Variants in RGS3 observed in about 807,000 individuals in gnomAD.
RGS3 encodes regulator of G-protein signalling 3.
Under a neutral mutation model 132.6 loss-of-function variants are expected in RGS3, and 80 were observed. The ratio of observed to expected loss-of-function variants is 0.60; its 90% CI spans 0.50 to 0.73. The LOEUF is 0.73. RGS3 is among the 30% of genes least tolerant of loss of function. The pLI, the probability that RGS3 is intolerant of heterozygous loss-of-function variation, is 0.00. For missense variants in RGS3, 1,382 were observed against 1,530.8 expected (o/e 0.90, Z 1.62); for synonymous variants, 598 against 620.6 (o/e 0.96, Z 0.54).
intron 19 of RGS3, among the ~76,000 whole-genome samples, chr9:113,540,891 C>A (rs1832874919): frequency 6.6e-6 from 1 of 152,222 alleles, no homozygotes; most frequent in African/African-American, 2.4e-5. Context: ...GAGGATTGAA[C>A]TCAGGATGTG....
At chr9:113,543,670 C>T (rs1174813281) in intron 19 of RGS3, among the ~76,000 whole-genome samples, 1 of 152,236 alleles carries the variant, frequency 6.6e-6, no homozygotes, top group Non-Finnish European at 1.5e-5. Context: ...CTCATCTCTC[C>T]TGGACCTGGT....
Position 113,594,917 on chromosome 9 carries a change from A to C in RGS3, c.3183-2A>C. On this transcript the variant is annotated splice_acceptor_variant, in intron 22 of 24. Transcript: ENST00000350696. LOFTEE classifies it high-confidence loss of function. ...CACTGTGTTTCCTCCCTCACCCCTC[A>C]GGCCCACCTCAGAGGAAGCCCTCAA... 1 of 1,613,832 alleles carries C rather than the reference A, an allele frequency of 6.2e-7. No homozygotes were observed. The highest frequency in any genetic ancestry group is 8.5e-7 in the Non-Finnish European group (1 of 1,179,808).
exon 22 of RGS3, chr9:113,594,504 A>G: frequency 6.2e-7 from 1 of 1,613,700 alleles, no homozygotes; most frequent in Non-Finnish European, 8.5e-7. Flanking sequence ...CCCGCGGGCA[A>G]GGCAGACAAA....
chr9:113,545,019 C>G (rs535216837), intron 19 of RGS3, among the ~76,000 whole-genome samples: 43 of 152,306 alleles, frequency 2.8e-4, no homozygotes, highest in African/African-American at 8.7e-4. Flanking sequence ...GAGGGTGGCA[C>G]AGGCTGAAAA....
At chr9:113,569,587 TTCC>T (rs879566156) in intron 19 of RGS3, among the ~76,000 whole-genome samples, 3,541 of 126,674 alleles carry the variant, frequency 0.028, 79 homozygotes, top group Non-Finnish European at 0.031. Context: ...CTTTCCTTCC[TTCC>T]TTCCTTCCTT....
At chr9:113,449,074 C>T (rs1829182703) in intron 1 of RGS3, among the ~76,000 whole-genome samples, 1 of 152,162 alleles carries the variant, frequency 6.6e-6, no homozygotes, top group Admixed American at 6.5e-5. Context: ...AATGGGAAGA[C>T]ATTGATGGCT....
intron 13 of RGS3, 147 bp from the exon 12 acceptor site, chr9:113,508,394 C>G (rs375502872): frequency 1.2e-5 from 9 of 744,462 alleles, no homozygotes; most frequent in South Asian, 1.1e-4. Flanking sequence ...AGCCTCCTCC[C>G]TCAGCTGGTT....
chr9:113,557,352 G>A (rs1397686803), intron 19 of RGS3, among the ~76,000 whole-genome samples: 2 of 152,238 alleles, frequency 1.3e-5, no homozygotes, highest in East Asian at 1.9e-4. Flanking sequence ...CATGGCCTTG[G>A]AGTTGGACTC....
At chr9:113,510,265 A>G (rs1831345558) in intron 14 of RGS3, among the ~76,000 whole-genome samples, 1 of 152,238 alleles carries the variant, frequency 6.6e-6, no homozygotes, top group Admixed American at 6.5e-5. Context: ...AATGCCGTTA[A>G]TTCATTCCCT....
At chr9:113,511,519 TG>T (rs768049702) in intron 14 of RGS3, among the ~76,000 whole-genome samples, 1 of 152,092 alleles carries the variant, frequency 6.6e-6, no homozygotes, top group Non-Finnish European at 1.5e-5. Context: ...AATCCTGCCT[TG>T]TATAATTTAC....
intron 19 of RGS3, among the ~76,000 whole-genome samples, chr9:113,561,946 C>A (rs1337014232): frequency 2.6e-5 from 4 of 152,186 alleles, no homozygotes; most frequent in Non-Finnish European, 5.9e-5. Context: ...CCTCGCTGGT[C>A]CTAGCCCTGG....
intron 4 of RGS3, 144 bp from the exon 3 acceptor site, chr9:113,482,915 C>A: frequency 6.6e-7 from 1 of 1,519,718 alleles, no homozygotes; most frequent in Non-Finnish European, 8.8e-7. Flanking sequence ...TAGCAGGGGC[C>A]ATAGCCCTGC....
chr9:113,471,120 T>G (rs1326676942), intron 3 of RGS3, among the ~76,000 whole-genome samples: 1 of 152,208 alleles, frequency 6.6e-6, no homozygotes, highest in East Asian at 1.9e-4. Context: ...TAATTCAGTG[T>G]TGGGACTGAG....
chr9:113,508,663 G>T (rs898384334), intron 14 of RGS3, 83 bp downstream of exon 12: 33 of 1,402,890 alleles, frequency 2.4e-5, no homozygotes, highest in Admixed American at 1.7e-5. Flanking sequence ...CTCCGCCCCT[G>T]AGTTCTGAGG....
intron 17 of RGS3, among the ~76,000 whole-genome samples, chr9:113,523,689 G>C (rs1832070279): frequency 6.6e-6 from 1 of 152,162 alleles, no homozygotes; most frequent in South Asian, 2.1e-4. Flanking sequence ...GGGAGTATCT[G>C]TCAGTGGTTT....
chr9:113,464,459 C>G (rs184069164), intron 3 of RGS3, among the ~76,000 whole-genome samples: 32 of 152,310 alleles, frequency 2.1e-4, no homozygotes, highest in Non-Finnish European at 4.6e-4. Context: ...AGGCTTCACT[C>G]CCAAGCCCCT....
At chr9:113,472,849 G>A (rs1829875208) in intron 3 of RGS3, among the ~76,000 whole-genome samples, 1 of 152,108 alleles carries the variant, frequency 6.6e-6, no homozygotes, top group Non-Finnish European at 1.5e-5. Context: ...GAGCAGCCTG[G>A]CCAACATGGT....
chr9:113,532,473 C>G (rs1438727905), intron 18 of RGS3, among the ~76,000 whole-genome samples: 1 of 152,110 alleles, frequency 6.6e-6, no homozygotes, highest in Non-Finnish European at 1.5e-5. Flanking sequence ...TCTGGGTCCT[C>G]TAGTATTACA....
intron 7 of RGS3, among the ~76,000 whole-genome samples, chr9:113,487,104 T>C (rs1830356578): frequency 6.9e-6 from 1 of 145,044 alleles, no homozygotes; most frequent in Admixed American, 6.8e-5. Context: ...TTAATTCTTT[T>C]TTTTTTTTTT....
Sources: gnomAD v4.1 joint callset for allele counts (sites outside exome capture counted in the v4.1 genomes callset) on GRCh38, gnomAD v4.1.1 for gene constraint, MANE v1.5 for transcripts, NCBI Gene and HGNC (gene_info 2026-07-23, HGNC 2026-07-21) for gene names.